LINGO1: variants seen among roughly 807,000 people sequenced by gnomAD.
The protein encoded by LINGO1 is leucine-rich repeat and immunoglobulin-like domain-containing nogo receptor-interacting protein 1.
In LINGO1, 11 loss-of-function variants were observed where a neutral mutation model predicts 37.3. That is an observed-to-expected ratio of 0.29 (90% CI 0.19 to 0.49). The LOEUF (loss-of-function observed/expected upper bound fraction) is 0.49. Ranked by LOEUF, LINGO1 falls within the 20% of genes least tolerant of loss-of-function variation. The pLI is 0.99. For missense variants in LINGO1, 585 were observed against 878.2 expected (o/e 0.67, Z 4.22); for synonymous variants, 387 against 403.0 (o/e 0.96, Z 0.48).
chr15:77,694,596 A>AG (rs1194829896), intron 1 of LINGO1, among the ~76,000 whole-genome samples: 1 of 152,106 alleles, frequency 6.6e-6, no homozygotes, highest in African/African-American at 2.4e-5. Flanking sequence ...AAAACTTGAG[A>AG]GGGGGTCTCA....
chr15:77,676,060 G>T (rs1475723292), intron 3 of LINGO1, among the ~76,000 whole-genome samples: 1 of 152,258 alleles, frequency 6.6e-6, no homozygotes, highest in Non-Finnish European at 1.5e-5. Flanking sequence ...GAGAGCCAGA[G>T]GGGGGAAGAC....
chr15:77,711,163 AC>A (rs1306960070), intron 2 of LINGO1, among the ~76,000 whole-genome samples: 8 of 152,160 alleles, frequency 5.3e-5, no homozygotes, highest in Non-Finnish European at 1.2e-4. Context: ...CTCCTTTGCC[AC>A]CACAGTCCCT....
chr15:77,664,185 G>A (rs79403450), intron 3 of LINGO1, among the ~76,000 whole-genome samples: 1,757 of 151,660 alleles, frequency 0.012, 16 homozygotes, highest in Non-Finnish European at 0.021. Context: ...GCGCGCATGC[G>A]TTTGCATTCT....
intron 2 of LINGO1, among the ~76,000 whole-genome samples, chr15:77,678,721 A>G (rs1353870655): frequency 6.6e-6 from 1 of 152,142 alleles, no homozygotes; most frequent in African/African-American, 2.4e-5. Flanking sequence ...CCTATTTTTA[A>G]CTTTATAAGA....
Position 77,767,218 on chromosome 15 carries a change from A to G in LINGO1, c.-257+19651T>C, listed in dbSNP as rs1352369615. On this transcript the variant is annotated intron_variant, in intron 1 of 3. Transcript: ENST00000561686. ...AAGCTTCCAGAAAATAAAAATTCCCAGTAGCTTGCAAAGAATCAAATCTCA... is the reference window on the plus strand; with the variant it reads ...AAGCTTCCAGAAAATAAAAATTCCCGGTAGCTTGCAAAGAATCAAATCTCA... 5.9e-5 allele frequency among the ~76,000 whole-genome samples: 9 copies of G among 152,212 alleles called. No individual in the cohort carries two copies. In the South Asian group the frequency reaches 6.2e-4, roughly 11 times the overall value.
chr15:77,746,686 C>T (rs377065619), intron 1 of LINGO1, among the ~76,000 whole-genome samples: 392 of 152,252 alleles, frequency 2.6e-3, no homozygotes, highest in Non-Finnish European at 4.0e-3. Context: ...AGGAGCCAGC[C>T]GCGCCATTGG....
intron 3 of LINGO1, among the ~76,000 whole-genome samples, chr15:77,640,611 T>A (rs1234265906): frequency 2.0e-5 from 3 of 152,116 alleles, no homozygotes; most frequent in East Asian, 3.9e-4. Flanking sequence ...GTACCCTCCC[T>A]CCATTCTGAC....
intron 3 of LINGO1, among the ~76,000 whole-genome samples, chr15:77,656,599 G>A (rs1392636630): frequency 2.0e-5 from 3 of 152,062 alleles, no homozygotes; most frequent in East Asian, 1.9e-4. Flanking sequence ...TGGTTCCCTC[G>A]GCTGCCCTGT....
intron 1 of LINGO1, among the ~76,000 whole-genome samples, chr15:77,779,751 C>T (rs1400273805): frequency 6.6e-6 from 1 of 152,212 alleles, no homozygotes; most frequent in Non-Finnish European, 1.5e-5. Flanking sequence ...CAGTTCCTAA[C>T]AGGGCCAGTC....
chr15:77,614,194 G>A lies in LINGO1; in HGVS notation c.1713C>T (p.Val571=), dbSNP rs201366338. The A allele has an allele frequency of 4.7e-4, 753 of 1,614,022 alleles. 9 individuals carry two copies. In the East Asian group the frequency reaches 0.015, roughly 31 times the overall value. ...ACAGCAGCACCAGGCAGAAGAGGAC[G>A]ACGCCCAGGAAAGAGATGAAGCCCA... is the stretch of plus-strand genomic sequence containing the variant. ...TTMGFISFLG[V]VLFCLVLLFL... is the part of the protein sequence containing the mutation. The change falls in exon 2 of 2, where the codon GTC becomes GTT. Residue 571 remains valine, a synonymous_variant. Coordinates refer to ENST00000355300, the MANE Select transcript of LINGO1 (RefSeq NM_032808.7).
intron 3 of LINGO1, among the ~76,000 whole-genome samples, chr15:77,641,605 C>T (rs1436312574): frequency 6.6e-6 from 1 of 152,196 alleles, no homozygotes; most frequent in Non-Finnish European, 1.5e-5. Flanking sequence ...CATGGGCTCC[C>T]CCTACACCCT....
chr15:77,781,700 G>T (rs190697276), intron 1 of LINGO1, among the ~76,000 whole-genome samples: 2 of 152,330 alleles, frequency 1.3e-5, no homozygotes, highest in Non-Finnish European at 2.9e-5. Context: ...CCCCATGTTT[G>T]CCAGGCAGAA....
chr15:77,639,932 G>A (rs574207301), intron 3 of LINGO1, among the ~76,000 whole-genome samples: 2 of 152,226 alleles, frequency 1.3e-5, no homozygotes, highest in East Asian at 3.9e-4. Context: ...TGAGCAGCAC[G>A]GTGGTTCTAA....
At chr15:77,623,244 G>A (rs79742956) in intron 1 of LINGO1, among the ~76,000 whole-genome samples, 1 of 152,198 alleles carries the variant, frequency 6.6e-6, no homozygotes, top group Non-Finnish European at 1.5e-5. Context: ...GAAGAGGCAG[G>A]GGGAGGGCAT....
chr15:77,796,486 G>A (rs1303769262), intron 1 of LINGO1, among the ~76,000 whole-genome samples: 1 of 152,154 alleles, frequency 6.6e-6, no homozygotes, highest in Admixed American at 6.5e-5. Flanking sequence ...CTCCTGCCAG[G>A]ACTGCTGGGA....
At chr15:77,800,887 G>A (rs1171045044) in intron 1 of LINGO1, among the ~76,000 whole-genome samples, 1 of 152,154 alleles carries the variant, frequency 6.6e-6, no homozygotes, top group Non-Finnish European at 1.5e-5. Flanking sequence ...TGCAGAGGAG[G>A]AATTAAATTG....
At chr15:77,717,381 G>A (rs1357383842) in intron 2 of LINGO1, among the ~76,000 whole-genome samples, 2 of 150,754 alleles carry the variant, frequency 1.3e-5, no homozygotes, top group Admixed American at 6.6e-5. Context: ...GCAGGCCCAG[G>A]TGCCAGCCAG....
intron 1 of LINGO1, among the ~76,000 whole-genome samples, chr15:77,629,486 C>G (rs1204402897): frequency 6.6e-6 from 1 of 152,212 alleles, no homozygotes; most frequent in Admixed American, 6.5e-5. Flanking sequence ...CAGTCTCCCT[C>G]TCTTCCTAAA....
chr15:77,726,632 T>C (rs1251012928), intron 2 of LINGO1, among the ~76,000 whole-genome samples: 1 of 152,178 alleles, frequency 6.6e-6, no homozygotes, highest in African/African-American at 2.4e-5. Context: ...AACCTGAAAC[T>C]ATACCACTCC....
Sources: allele counts gnomAD v4.1 joint callset (sites outside exome capture counted in the v4.1 genomes callset), GRCh38; gene constraint gnomAD v4.1.1; transcripts MANE v1.5; gene names NCBI Gene and HGNC (gene_info 2026-07-23, HGNC 2026-07-21).